Variants in NTM observed in about 807,000 individuals in gnomAD.
NTM encodes the protein IgLON family member 2.
Under a neutral mutation model 42.1 loss-of-function variants are expected in NTM, and 13 were observed. The observed-to-expected ratio is 0.31, with a 90% CI of 0.20 to 0.49. The LOEUF is 0.49. Ranked by LOEUF, NTM falls within the 20% of genes least tolerant of loss-of-function variation. The pLI, the probability that NTM is intolerant of heterozygous loss-of-function variation, is 0.99. For synonymous variants in NTM, 187 were observed against 179.2 expected, an observed-to-expected ratio of 1.04 and a Z score of -0.35; for missense variants, 373 against 452.8, an observed-to-expected ratio of 0.82 and a Z score of 1.60.
intron 1 of NTM, among the ~76,000 whole-genome samples, chr11:131,591,247 T>G (rs763586719): frequency 6.6e-6 from 1 of 152,194 alleles, no homozygotes; most frequent in Non-Finnish European, 1.5e-5. Context: ...ACCAGAAGGC[T>G]CAGCCAGCAC....
At chr11:131,588,932 T>C (rs991525356) in intron 1 of NTM, among the ~76,000 whole-genome samples, 5 of 152,180 alleles carry the variant, frequency 3.3e-5, no homozygotes, top group Admixed American at 2.0e-4. Flanking sequence ...AGAAATGGCA[T>C]TAACAGGTGT....
intron 1 of NTM, among the ~76,000 whole-genome samples, chr11:131,543,481 CT>C: frequency 6.6e-6 from 1 of 152,322 alleles, no homozygotes; most frequent in East Asian, 1.9e-4. Flanking sequence ...GATCCACTGT[CT>C]TGTAAAGGAA....
chr11:132,169,611 G>A (rs779843200), intron 3 of NTM, among the ~76,000 whole-genome samples: 1 of 151,890 alleles, frequency 6.6e-6, no homozygotes, highest in Non-Finnish European at 1.5e-5. Flanking sequence ...TGGGATTACA[G>A]GCGTGAACCA....
intron 1 of NTM, among the ~76,000 whole-genome samples, chr11:131,443,666 T>G (rs1486804537): frequency 6.6e-6 from 1 of 152,194 alleles, no homozygotes; most frequent in East Asian, 1.9e-4. Flanking sequence ...TTTATTCAAT[T>G]TTAATGAGTA....
At chr11:132,252,936 G>A (rs912703909) in intron 4 of NTM, among the ~76,000 whole-genome samples, 1 of 152,140 alleles carries the variant, frequency 6.6e-6, no homozygotes, top group East Asian at 1.9e-4. Context: ...TTGATCTAAC[G>A]AACCCAGTTT....
intron 1 of NTM, among the ~76,000 whole-genome samples, chr11:131,826,900 T>A (rs906686194): frequency 6.6e-5 from 10 of 152,156 alleles, no homozygotes; most frequent in Non-Finnish European, 1.3e-4. Flanking sequence ...TGCAGTCACA[T>A]GGCATGGAGT....
chr11:132,060,392 G>T (rs2080459813), intron 2 of NTM, among the ~76,000 whole-genome samples: 1 of 152,192 alleles, frequency 6.6e-6, no homozygotes. Context: ...GTCTGCCCTA[G>T]AGTAAAGTCT....
chr11:131,407,965 G>T (rs1379405070), intron 1 of NTM, among the ~76,000 whole-genome samples: 1 of 152,192 alleles, frequency 6.6e-6, no homozygotes, highest in African/African-American at 2.4e-5. Context: ...CTTATTCACT[G>T]GTTACTCCGA....
intron 3 of NTM, among the ~76,000 whole-genome samples, chr11:132,210,188 G>T (rs1169471635): frequency 6.6e-6 from 1 of 152,188 alleles, no homozygotes; most frequent in Non-Finnish European, 1.5e-5. Flanking sequence ...CTTTAGAATT[G>T]CACAGCATGG....
chr11:131,744,626 A>T (rs113829695), intron 1 of NTM, among the ~76,000 whole-genome samples: 2,862 of 144,376 alleles, frequency 0.02, 52 homozygotes, highest in African/African-American at 0.048. Context: ...TGTTTTTTTT[A>T]AAAAAAAGAT....
intron 1 of NTM, among the ~76,000 whole-genome samples, chr11:131,707,955 A>G (rs1041948888): frequency 1.3e-5 from 2 of 152,172 alleles, no homozygotes; most frequent in Non-Finnish European, 2.9e-5. Flanking sequence ...AAGCATCCAA[A>G]TTGAAAAAGA....
chr11:132,169,979 G>C (rs73038227), intron 3 of NTM, among the ~76,000 whole-genome samples: 9,620 of 152,224 alleles, frequency 0.063, 357 homozygotes, highest in Middle Eastern at 0.11. Flanking sequence ...CCTCTGTTTA[G>C]GAAAAGAGTG....
At chr11:131,382,641 T>G (rs1035805980) in intron 1 of NTM, among the ~76,000 whole-genome samples, 4 of 152,200 alleles carry the variant, frequency 2.6e-5, no homozygotes, top group African/African-American at 7.2e-5. Flanking sequence ...TGATCCACTT[T>G]CTAAGAGATG....
In NTM at chr11:131,596,575, G is replaced by T. The variant is rs148295428; in HGVS notation, c.82+225687G>T. On this transcript the variant is annotated intron_variant, in intron 1 of 8. Coordinates refer to ENST00000683400, the MANE Select transcript of NTM (RefSeq NM_001352005.2). ...CCTCTCTAGCCTTCCTTTCTGCTGA[G>T]CTAGGCAGGCAGTGGGGACAGCATT... is the stretch of plus-strand genomic sequence containing the variant. Among the ~76,000 whole-genome samples, 455 of 152,324 alleles carry T rather than the reference G, an allele frequency of 3.0e-3. 21 individuals carry two copies. In the East Asian group the frequency reaches 0.077, roughly 26 times the overall value.
intron 2 of NTM, among the ~76,000 whole-genome samples, chr11:132,143,985 C>A (rs2069755353): frequency 6.6e-6 from 1 of 152,196 alleles, no homozygotes; most frequent in Non-Finnish European, 1.5e-5. Flanking sequence ...AGGCTTGGAT[C>A]AGTTCAAACT....
chr11:132,036,031 ACCAT>A, intron 2 of NTM, among the ~76,000 whole-genome samples: 1 of 152,220 alleles, frequency 6.6e-6, no homozygotes, highest in South Asian at 2.1e-4. Flanking sequence ...AGTTCTAGTT[ACCAT>A]GTAATTACAG....
intron 7 of NTM, among the ~76,000 whole-genome samples, chr11:132,318,355 T>C (rs1477563555): frequency 1.3e-5 from 2 of 152,166 alleles, no homozygotes; most frequent in African/African-American, 4.8e-5. Context: ...GAATGCATGT[T>C]ACAAAGGCTT....
At chr11:131,675,846 A>G (rs1185923694) in intron 1 of NTM, among the ~76,000 whole-genome samples, 1 of 152,228 alleles carries the variant, frequency 6.6e-6, no homozygotes, top group Non-Finnish European at 1.5e-5. Flanking sequence ...AAATCCCCTA[A>G]AAGAAAATGG....
chr11:132,133,033 G>T (rs1325365919), intron 2 of NTM, among the ~76,000 whole-genome samples: 1 of 152,226 alleles, frequency 6.6e-6, no homozygotes, highest in East Asian at 1.9e-4. Flanking sequence ...AGAATCAGGA[G>T]ATGCTCGCTG....
Sources: gnomAD v4.1 joint callset for allele counts (sites outside exome capture counted in the v4.1 genomes callset) on GRCh38, gnomAD v4.1.1 for gene constraint, MANE v1.5 for transcripts, NCBI Gene and HGNC (gene_info 2026-07-23, HGNC 2026-07-21) for gene names.